SHANK2: variants seen among roughly 807,000 people sequenced by gnomAD.
The protein encoded by SHANK2 is SH3 and multiple ankyrin repeat domains 2, also known as SH3 and multiple ankyrin repeat domains protein 2.
In SHANK2, 43 loss-of-function variants were observed where a neutral mutation model predicts 133.7. The ratio of observed to expected loss-of-function variants is 0.32; its 90% CI spans 0.25 to 0.41. The LOEUF (loss-of-function observed/expected upper bound fraction) is 0.41, where lower values mean the gene tolerates loss of function less well. Among genes scored for constraint, SHANK2 ranks in the 10% least tolerant of loss-of-function variants. The probability of loss-of-function intolerance (pLI) is 1.00; values close to 1 mark genes in which losing one functional copy is unlikely to be tolerated. For missense variants in SHANK2, 1,994 were observed against 2,235.8 expected (o/e 0.89, Z 2.18); for synonymous variants, 1,017 against 952.8 (o/e 1.07, Z -1.24).
rs147632420 is a variant in SHANK2 at position 70,695,231 on chromosome 11, C to T, written c.1853+3457G>A. On this transcript the variant is annotated intron_variant, in intron 15 of 25. Coordinates refer to ENST00000601538, the MANE Select transcript of SHANK2 (RefSeq NM_012309.5). ...AAGATGAAAGACCTCTGGAGCTGGA[C>T]GGTGGTGTCGGTTGCACAACACAGT... is the stretch of plus-strand genomic sequence containing the variant. Among the ~76,000 whole-genome samples, 269 of 152,172 alleles carry T rather than the reference C, an allele frequency of 1.8e-3. 5 individuals are homozygous for T. In the South Asian group the frequency reaches 0.026, roughly 15 times the overall value.
At chr11:70,706,349 AC>A (rs1452620178) in intron 14 of SHANK2, among the ~76,000 whole-genome samples, 2 of 152,070 alleles carry the variant, frequency 1.3e-5, no homozygotes, top group Non-Finnish European at 2.9e-5. Flanking sequence ...AAAGCCACAC[AC>A]CCTTGGACCC....
chr11:70,771,310 AGG>A (rs1947245297), intron 14 of SHANK2, among the ~76,000 whole-genome samples: 1 of 152,118 alleles, frequency 6.6e-6, no homozygotes, highest in Non-Finnish European at 1.5e-5. Flanking sequence ...AGAGACATGG[AGG>A]GCCAGGCACC....
intron 8 of SHANK2, among the ~76,000 whole-genome samples, chr11:71,079,819 G>A (rs1244185674): frequency 8.0e-6 from 1 of 125,054 alleles, no homozygotes; most frequent in Non-Finnish European, 1.7e-5. Context: ...AAGAAAAAGA[G>A]AAAGGGAAAG....
chr11:70,602,063 C>A (rs10793173), intron 17 of SHANK2, among the ~76,000 whole-genome samples: 31,838 of 152,108 alleles, frequency 0.21, 3,625 homozygotes, highest in Admixed American at 0.26. Context: ...TTGGTGCTGT[C>A]CTTGCAATAG....
chr11:70,871,365 T>C (rs1555070155), intron 11 of SHANK2, among the ~76,000 whole-genome samples: 1 of 152,060 alleles, frequency 6.6e-6, no homozygotes, highest in Non-Finnish European at 1.5e-5. Context: ...ACTGGCACCA[T>C]AGGAGCAGGG....
At chr11:71,057,030 G>T (rs1232485498) in intron 9 of SHANK2, among the ~76,000 whole-genome samples, 2 of 151,956 alleles carry the variant, frequency 1.3e-5, no homozygotes, top group Non-Finnish European at 2.9e-5. Context: ...AATAAAAAAG[G>T]CAAGTCCCAA....
At chr11:70,546,240 T>G (rs1322159226) in intron 17 of SHANK2, among the ~76,000 whole-genome samples, 1 of 151,842 alleles carries the variant, frequency 6.6e-6, no homozygotes, top group Non-Finnish European at 1.5e-5. Context: ...CGCCCAGAGT[T>G]TTAATGGAGG....
chr11:70,671,828 A>C (rs1565230693), intron 15 of SHANK2, among the ~76,000 whole-genome samples: 3 of 152,000 alleles, frequency 2.0e-5, no homozygotes, highest in African/African-American at 7.2e-5. Flanking sequence ...GCTGGCACGG[A>C]CTCTGCGGTG....
At chr11:70,948,850 A>G (rs1555085951) in intron 10 of SHANK2, among the ~76,000 whole-genome samples, 1 of 152,246 alleles carries the variant, frequency 6.6e-6, no homozygotes, top group East Asian at 1.9e-4. Context: ...AAGTTTAAAT[A>G]CCAGCAACAC....
At chr11:71,205,720 AC>A (rs1954114030) in intron 2 of SHANK2, among the ~76,000 whole-genome samples, 1 of 151,778 alleles carries the variant, frequency 6.6e-6, no homozygotes, top group Admixed American at 6.6e-5. Flanking sequence ...CTACCAAGGC[AC>A]TCCTAATGTG....
chr11:70,645,624 A>T (rs1197218889), intron 17 of SHANK2, among the ~76,000 whole-genome samples: 2 of 152,078 alleles, frequency 1.3e-5, no homozygotes, highest in African/African-American at 4.8e-5. Context: ...CAACAAGAGA[A>T]TGATGCATAT....
intron 11 of SHANK2, among the ~76,000 whole-genome samples, chr11:70,869,752 CAG>C (rs1949428466): frequency 6.6e-6 from 1 of 152,308 alleles, no homozygotes; most frequent in Middle Eastern, 3.4e-3. Flanking sequence ...CTCCCCCAGA[CAG>C]GGGGCTCGAC....
intron 10 of SHANK2, among the ~76,000 whole-genome samples, chr11:70,920,976 C>T (rs1357416944): frequency 2.0e-5 from 3 of 152,130 alleles, no homozygotes; most frequent in Non-Finnish European, 4.4e-5. Flanking sequence ...ACACCAGTTT[C>T]GACTAAAAGA....
intron 8 of SHANK2, among the ~76,000 whole-genome samples, chr11:71,087,050 A>G (rs959759894): frequency 7.4e-4 from 113 of 152,302 alleles, no homozygotes; most frequent in African/African-American, 2.7e-3. Flanking sequence ...GAGCAGGTGC[A>G]CTGCCCCAGA....
At chr11:70,580,264 C>T (rs1554985112) in intron 17 of SHANK2, among the ~76,000 whole-genome samples, 1 of 150,328 alleles carries the variant, frequency 6.7e-6, no homozygotes, top group Non-Finnish European at 1.5e-5. Context: ...TGGGCTGAGG[C>T]ACAGCGCAGC....
intron 15 of SHANK2, chr11:70,698,255 T>C: frequency 4.8e-6 from 1 of 208,152 alleles, no homozygotes; most frequent in Non-Finnish European, 9.8e-6. Context: ...TTCACAGCCA[T>C]TCCACCTAAG....
intron 2 of SHANK2, among the ~76,000 whole-genome samples, chr11:71,172,083 C>T (rs782664389): frequency 6.6e-6 from 1 of 152,158 alleles, no homozygotes; most frequent in Non-Finnish European, 1.5e-5. Flanking sequence ...GACTTCATCA[C>T]TCAGCCCCAT....
chr11:70,870,706 A>G (rs1446442108), intron 11 of SHANK2, among the ~76,000 whole-genome samples: 4 of 152,218 alleles, frequency 2.6e-5, no homozygotes, highest in Non-Finnish European at 4.4e-5. Flanking sequence ...AGCATCACCC[A>G]GAGCTCTGCC....
rs555525994 is a variant in SHANK2 at position 70,593,522 on chromosome 11, T to G, written c.2061+66306A>C. Among the ~76,000 whole-genome samples the G allele has an allele frequency of 6.7e-4, 102 of 152,286 alleles. 2 individuals carry two copies. The highest frequency in any genetic ancestry group is 5.0e-3 in the South Asian group (24 of 4,816). On this transcript the variant is annotated intron_variant, in intron 17 of 25. Coordinates refer to ENST00000601538, the MANE Select transcript of SHANK2 (RefSeq NM_012309.5). ...ACCTGGGCATGGTGGCTACCTCGCC[T>G]GCCTGCCCCACGGGACGTCTGAGCA...
Sources: allele counts gnomAD v4.1 joint callset (sites outside exome capture counted in the v4.1 genomes callset), GRCh38; gene constraint gnomAD v4.1.1; transcripts MANE v1.5; gene names NCBI Gene and HGNC (gene_info 2026-07-23, HGNC 2026-07-21).